The following TRAPPC9 variants were observed in gnomAD, a reference collection of about 807,000 sequenced individuals.
TRAPPC9 encodes trafficking protein particle complex subunit 9.
A neutral mutation model predicts 124.0 loss-of-function variants in TRAPPC9; 83 were observed. The observed-to-expected ratio is 0.67, with a 90% CI of 0.56 to 0.80. The LOEUF (loss-of-function observed/expected upper bound fraction) is 0.80. Ranked by LOEUF, TRAPPC9 falls within the 30% of genes least tolerant of loss-of-function variation. TRAPPC9 has a pLI of 0.00. For synonymous variants in TRAPPC9, 638 were observed against 617.5 expected, an observed-to-expected ratio of 1.03 and a Z score of -0.49; for missense variants, 1,302 against 1,508.3, an observed-to-expected ratio of 0.86 and a Z score of 2.27.
chr8:139,988,660 C>T (rs1837417736), intron 19 of TRAPPC9, 66 bp downstream of exon 19: 1 of 1,109,740 alleles, frequency 9.0e-7, no homozygotes, highest in East Asian at 2.6e-5. Flanking sequence ...TCTCCACACC[C>T]TCCCAAGCAG....
intron 18 of TRAPPC9, among the ~76,000 whole-genome samples, chr8:139,996,770 C>T (rs529796615): frequency 3.3e-5 from 5 of 152,282 alleles, no homozygotes; most frequent in South Asian, 4.1e-4. Context: ...GACAGAGTCT[C>T]GCTCTGTCAC....
chr8:140,395,308 T>C lies in TRAPPC9; in HGVS notation c.1134+2312A>G, dbSNP rs1202366321. ...GGTGTGACACTGACACTTGCCACTT[T>C]GACTTATCGGCCTCCCTACCAACGT... On this transcript the variant is annotated intron_variant, in intron 7 of 22. Transcript: ENST00000438773. Among the ~76,000 whole-genome samples, 6 of 152,314 alleles carry C rather than the reference T, an allele frequency of 3.9e-5. No homozygotes were observed. In the East Asian group the frequency reaches 9.7e-4, roughly 25 times the overall value.
chr8:140,266,414 G>A (rs370918321), intron 15 of TRAPPC9, among the ~76,000 whole-genome samples: 3 of 151,560 alleles, frequency 2.0e-5, no homozygotes, highest in African/African-American at 7.3e-5. Flanking sequence ...AGTGAGCCGA[G>A]GTTGTACCAC....
chr8:140,307,039 C>A (rs1381064223), intron 10 of TRAPPC9, among the ~76,000 whole-genome samples: 2 of 152,138 alleles, frequency 1.3e-5, no homozygotes, highest in African/African-American at 4.8e-5. Flanking sequence ...GGTCTCCTTG[C>A]AGCCATGTGG....
intron 8 of TRAPPC9, among the ~76,000 whole-genome samples, chr8:140,364,791 C>T (rs1368475573): frequency 6.6e-6 from 1 of 151,948 alleles, no homozygotes; most frequent in Non-Finnish European, 1.5e-5. Flanking sequence ...AGGCTGGTCT[C>T]GAACTCCTGA....
At position 139,729,261 on chromosome 8, in the gene TRAPPC9, CA is replaced by C. The variant is rs1345076990; in HGVS notation, c.*1799del. On this transcript the variant is annotated 3_prime_UTR_variant, in exon 23 of 23. Coordinates refer to ENST00000438773, the MANE Select transcript of TRAPPC9 (RefSeq NM_001160372.4). Reference sequence around the variant, plus strand: ...ATAATTTGGGGGGACATTGTCTACACAAGTGAGGTTGGGCTGAGCCCATCAT... The same window carrying C: ...ATAATTTGGGGGGACATTGTCTACACAGTGAGGTTGGGCTGAGCCCATCAT... Among the ~76,000 whole-genome samples, 2 of 152,372 alleles carry C rather than the reference CA, an allele frequency of 1.3e-5. No individual in the cohort carries two copies. Among genetic ancestry groups the C allele is most frequent in the African/African-American group, 2.4e-5 (1 of 41,588 alleles).
chr8:140,334,683 AAAT>A lies in TRAPPC9; in HGVS notation c.1496-23312_1496-23310del, dbSNP rs1346034533. 1.1e-3 allele frequency among the ~76,000 whole-genome samples: 164 copies of A among 151,550 alleles called. 1 individual carries two copies. The highest frequency in any genetic ancestry group is 3.8e-3 in the African/African-American group (158 of 41,164). ...TAAATAAATAAATAAATAAATAAAT[AAAT>A]AAGTTCCACATGTATTGACTACTTT... On this transcript the variant is annotated intron_variant, in intron 9 of 22. Transcript: ENST00000438773.
intron 20 of TRAPPC9, among the ~76,000 whole-genome samples, chr8:139,900,152 C>G (rs1453652879): frequency 1.3e-5 from 2 of 152,238 alleles, no homozygotes; most frequent in Non-Finnish European, 2.9e-5. Flanking sequence ...AGCTCCCTCA[C>G]AGCTTGCTTT....
At chr8:139,834,570 G>T (rs908605119) in intron 21 of TRAPPC9, among the ~76,000 whole-genome samples, 4 of 152,240 alleles carry the variant, frequency 2.6e-5, no homozygotes, top group African/African-American at 9.6e-5. Context: ...CCTCCATGAC[G>T]CTGAGTCCTC....
At chr8:139,845,346 C>G (rs1207301217) in intron 21 of TRAPPC9, among the ~76,000 whole-genome samples, 1 of 152,164 alleles carries the variant, frequency 6.6e-6, no homozygotes, top group Non-Finnish European at 1.5e-5. Flanking sequence ...GCATTCCTGG[C>G]CCAGGCCTTT....
chr8:139,952,139 GCT>G (rs1046142998), intron 19 of TRAPPC9, among the ~76,000 whole-genome samples: 1 of 152,080 alleles, frequency 6.6e-6, no homozygotes, highest in Non-Finnish European at 1.5e-5. Context: ...TCTCAAAATG[GCT>G]CTTTTTCTTC....
At chr8:139,890,843 T>A (rs28529188) in intron 20 of TRAPPC9, among the ~76,000 whole-genome samples, 1,672 of 149,784 alleles carry the variant, frequency 0.011, 11 homozygotes, top group African/African-American at 0.019. Flanking sequence ...ACTTAAAGTA[T>A]AATAAAAAAT....
At chr8:140,141,816 T>C (rs889700444) in intron 17 of TRAPPC9, among the ~76,000 whole-genome samples, 3 of 152,208 alleles carry the variant, frequency 2.0e-5, no homozygotes, top group Non-Finnish European at 4.4e-5. Flanking sequence ...CTACCTTTAC[T>C]GTTATATATG....
chr8:139,926,616 A>AC (rs995194257), intron 19 of TRAPPC9, among the ~76,000 whole-genome samples: 1 of 151,526 alleles, frequency 6.6e-6, no homozygotes, highest in Non-Finnish European at 1.5e-5. Context: ...ATAAAAAAAA[A>AC]AAAAAAACTC....
intron 17 of TRAPPC9, among the ~76,000 whole-genome samples, chr8:140,202,026 G>C (rs1339242354): frequency 6.6e-6 from 1 of 152,186 alleles, no homozygotes; most frequent in African/African-American, 2.4e-5. Flanking sequence ...GCACACATGA[G>C]TTTGCACCAC....
chr8:139,937,906 C>T (rs904756072), intron 19 of TRAPPC9, among the ~76,000 whole-genome samples: 5 of 152,152 alleles, frequency 3.3e-5, no homozygotes, highest in Non-Finnish European at 7.3e-5. Context: ...CTCAGGACGC[C>T]GACAGGTGAA....
At chr8:139,875,192 G>C (rs888459339) in intron 21 of TRAPPC9, among the ~76,000 whole-genome samples, 1 of 152,192 alleles carries the variant, frequency 6.6e-6, no homozygotes, top group Non-Finnish European at 1.5e-5. Context: ...AGAGAGACAA[G>C]GCAGCAGGCA....
At chr8:139,826,662 G>C (rs1208861399) in intron 21 of TRAPPC9, among the ~76,000 whole-genome samples, 1 of 152,200 alleles carries the variant, frequency 6.6e-6, no homozygotes, top group Non-Finnish European at 1.5e-5. Context: ...CTGTCAGCCT[G>C]GCCCGGGGCT....
intron 9 of TRAPPC9, among the ~76,000 whole-genome samples, chr8:140,346,432 C>T (rs1216117365): frequency 1.3e-5 from 2 of 152,204 alleles, no homozygotes; most frequent in African/African-American, 2.4e-5. Flanking sequence ...CCTTATTATC[C>T]GAACAGTACT....
Sources: gnomAD v4.1 joint callset for allele counts (sites outside exome capture counted in the v4.1 genomes callset) on GRCh38, gnomAD v4.1.1 for gene constraint, MANE v1.5 for transcripts, NCBI Gene and HGNC (gene_info 2026-07-23, HGNC 2026-07-21) for gene names.